Variants in ASAP1 observed in about 807,000 individuals in gnomAD.
ASAP1 encodes arf-GAP with SH3 domain, ANK repeat and PH domain-containing protein 1.
ASAP1 carries 43 observed loss-of-function variants against 145.2 expected under a neutral mutation model. The observed-to-expected ratio is 0.30, with a 90% CI of 0.23 to 0.38. The LOEUF (loss-of-function observed/expected upper bound fraction) is 0.38. ASAP1 is among the 10% of genes least tolerant of loss of function. ASAP1 has a pLI of 1.00. For missense variants in ASAP1, 1,018 were observed against 1,355.3 expected, an observed-to-expected ratio of 0.75 and a Z score of 3.91; for synonymous variants, 546 against 515.5, an observed-to-expected ratio of 1.06 and a Z score of -0.80.
At chr8:130,193,359 A>T (rs1815269619) in intron 5 of ASAP1, among the ~76,000 whole-genome samples, 1 of 151,380 alleles carries the variant, frequency 6.6e-6, no homozygotes, top group Admixed American at 6.6e-5. Context: ...ACAGAGCAAG[A>T]CTCCATCTAA....
chr8:130,098,912 A>G (rs1226665712), intron 24 of ASAP1, among the ~76,000 whole-genome samples: 1 of 151,946 alleles, frequency 6.6e-6, no homozygotes, highest in East Asian at 1.9e-4. Flanking sequence ...TTTTGTATCC[A>G]TTAATCAGCC....
intron 4 of ASAP1, among the ~76,000 whole-genome samples, chr8:130,220,312 TGTTG>T (rs1331396002): frequency 6.6e-6 from 1 of 152,184 alleles, no homozygotes; most frequent in Non-Finnish European, 1.5e-5. Context: ...ATAGCTAGTT[TGTTG>T]GGTATTGACT....
chr8:130,361,300 G>A (rs1218246741), intron 2 of ASAP1: 2 of 308,100 alleles, frequency 6.5e-6, no homozygotes, highest in Admixed American at 4.7e-5. Flanking sequence ...TTGGGCCTTA[G>A]TGCTATCCTT....
intron 24 of ASAP1, among the ~76,000 whole-genome samples, chr8:130,103,212 AAT>A (rs1371080008): frequency 6.6e-6 from 1 of 152,086 alleles, no homozygotes; most frequent in Non-Finnish European, 1.5e-5. Flanking sequence ...CATTATTTAT[AAT>A]AGTCTCCTAC....
chr8:130,424,272 A>G (rs1250154698), intron 1 of ASAP1, among the ~76,000 whole-genome samples: 1 of 152,184 alleles, frequency 6.6e-6, no homozygotes, highest in Non-Finnish European at 1.5e-5. Context: ...GAATTTCTGG[A>G]AAACACTGTC....
chr8:130,425,282 A>C (rs1337443867), intron 1 of ASAP1, among the ~76,000 whole-genome samples: 1 of 152,080 alleles, frequency 6.6e-6, no homozygotes, highest in Non-Finnish European at 1.5e-5. Flanking sequence ...CAGTGAGGTG[A>C]GATTGTGCCA....
chr8:130,193,937 G>A (rs1323356445), intron 5 of ASAP1, among the ~76,000 whole-genome samples: 1 of 152,072 alleles, frequency 6.6e-6, no homozygotes. Context: ...TGATCTGCCC[G>A]CCTCTGCCTC....
chr8:130,247,238 T>C (rs1293041132), intron 3 of ASAP1, among the ~76,000 whole-genome samples: 1 of 152,214 alleles, frequency 6.6e-6, no homozygotes, highest in Non-Finnish European at 1.5e-5. Flanking sequence ...TTTTGGTTCA[T>C]TCTTGTCTCT....
intron 3 of ASAP1, among the ~76,000 whole-genome samples, chr8:130,246,365 G>A (rs1198754527): frequency 3.3e-5 from 5 of 152,150 alleles, no homozygotes; most frequent in African/African-American, 9.7e-5. Context: ...CCTTGATATG[G>A]TTTGGCTCTG....
chr8:130,265,429 A>G (rs143237498), intron 3 of ASAP1, among the ~76,000 whole-genome samples: 1 of 151,852 alleles, frequency 6.6e-6, no homozygotes, highest in South Asian at 2.1e-4. Context: ...AAAAAGTAAC[A>G]GGGTGTGGTG....
At chr8:130,264,068 G>C (rs1820099880) in intron 3 of ASAP1, among the ~76,000 whole-genome samples, 1 of 152,174 alleles carries the variant, frequency 6.6e-6, no homozygotes, top group Non-Finnish European at 1.5e-5. Flanking sequence ...TAAATATGAT[G>C]GACAGGACAT....
chr8:130,154,794 T>C (rs1221741634), intron 12 of ASAP1, among the ~76,000 whole-genome samples: 3 of 152,242 alleles, frequency 2.0e-5, no homozygotes, highest in Non-Finnish European at 4.4e-5. Context: ...TTGAACATAC[T>C]GTATTCAGAA....
chr8:130,323,675 T>C (rs537055343), intron 3 of ASAP1, among the ~76,000 whole-genome samples: 2 of 152,266 alleles, frequency 1.3e-5, no homozygotes, highest in South Asian at 2.1e-4. Flanking sequence ...TATGGTCCCA[T>C]AGTCCTTTGC....
intron 24 of ASAP1, among the ~76,000 whole-genome samples, chr8:130,095,368 T>C (rs1239769257): frequency 6.7e-6 from 1 of 149,410 alleles, no homozygotes; most frequent in Non-Finnish European, 1.5e-5. Context: ...TGGCGTGATC[T>C]TGGCTCACCG....
intron 1 of ASAP1, among the ~76,000 whole-genome samples, chr8:130,412,519 T>C (rs1207685850): frequency 3.3e-5 from 5 of 152,228 alleles, no homozygotes; most frequent in African/African-American, 1.2e-4. Flanking sequence ...TCATGCTTCC[T>C]GTACAGCCTG....
At chr8:130,308,635 A>C (rs1487076435) in intron 3 of ASAP1, among the ~76,000 whole-genome samples, 3 of 152,258 alleles carry the variant, frequency 2.0e-5, no homozygotes, top group Non-Finnish European at 2.9e-5. Context: ...AATCATTTTT[A>C]AAGTTTTTTC....
At chr8:130,218,024 G>A (rs1817042084) in intron 4 of ASAP1, among the ~76,000 whole-genome samples, 1 of 152,068 alleles carries the variant, frequency 6.6e-6, no homozygotes, top group East Asian at 1.9e-4. Context: ...ATTAAAAAAT[G>A]CAGCTCTGGT....
intron 27 of ASAP1, among the ~76,000 whole-genome samples, chr8:130,065,860 T>C (rs2097429613): frequency 6.6e-6 from 1 of 152,204 alleles, no homozygotes; most frequent in African/African-American, 2.4e-5. Context: ...TTTCCTGCCT[T>C]GGTCTACCGC....
At chr8:130,390,542 C>G (rs1828229785) in intron 2 of ASAP1, among the ~76,000 whole-genome samples, 1 of 152,232 alleles carries the variant, frequency 6.6e-6, no homozygotes. Flanking sequence ...TGTTAGATAT[C>G]TATTTCCCCT....
Sources: allele counts gnomAD v4.1 joint callset (sites outside exome capture counted in the v4.1 genomes callset), GRCh38; gene constraint gnomAD v4.1.1; transcripts MANE v1.5; gene names NCBI Gene and HGNC (gene_info 2026-07-23, HGNC 2026-07-21).